Variants in ZBTB41 observed in about 807,000 individuals in gnomAD.
ZBTB41 encodes zinc finger and BTB domain-containing protein 41.
Under a neutral mutation model 87.6 loss-of-function variants are expected in ZBTB41, and 42 were observed. The ratio of observed to expected loss-of-function variants is 0.48; its 90% CI spans 0.37 to 0.62. ZBTB41 has a LOEUF of 0.62. ZBTB41 is among the 20% of genes least tolerant of loss of function. ZBTB41 has a pLI of 0.00. For missense variants in ZBTB41, 799 were observed against 1,078.9 expected, an observed-to-expected ratio of 0.74 and a Z score of 3.63; for synonymous variants, 364 against 364.0, an observed-to-expected ratio of 1.00 and a Z score of 0.00.
At chr1:197,189,339 A>T (rs751352714) in intron 4 of ZBTB41, among the ~76,000 whole-genome samples, 1 of 152,086 alleles carries the variant, frequency 6.6e-6, no homozygotes, top group Non-Finnish European at 1.5e-5. Context: ...CGGCCTGGCC[A>T]ACATAGTGAA....
intron 1 of ZBTB41, among the ~76,000 whole-genome samples, chr1:197,200,917 G>A (rs554030738): frequency 1.2e-4 from 19 of 152,314 alleles, no homozygotes; most frequent in Admixed American, 4.6e-4. Context: ...CGTGGTTTAG[G>A]GGTGCTGGGA....
At chr1:197,177,029 T>TCAGA (rs1659625742) in intron 7 of ZBTB41, among the ~76,000 whole-genome samples, 1 of 152,092 alleles carries the variant, frequency 6.6e-6, no homozygotes, top group Admixed American at 6.6e-5. Flanking sequence ...GTAGGAGTAA[T>TCAGA]CAGAAAGGAA....
chr1:197,179,836 G>C (rs1425267227), intron 6 of ZBTB41, among the ~76,000 whole-genome samples: 1 of 152,058 alleles, frequency 6.6e-6, no homozygotes, highest in Non-Finnish European at 1.5e-5. Flanking sequence ...TGTACAATGT[G>C]TGTTTTAAGC....
rs969033211 is a variant in ZBTB41 at position 197,187,602 on chromosome 1, A to AT, written c.1546+689dup. Among the ~76,000 whole-genome samples the AT allele has an allele frequency of 4.1e-4, 62 of 151,474 alleles. 1 individual carries two copies. The highest frequency in any genetic ancestry group is 1.0e-3 in the African/African-American group (42 of 41,342). ...TATTGTTGTATTGTTATGTTTTGTT[A>AT]TTTTTTTTTAATATCTCCAATCCAC... On this transcript the variant is annotated intron_variant, in intron 5 of 10. Coordinates refer to ENST00000367405, the MANE Select transcript of ZBTB41 (RefSeq NM_194314.3).
At chr1:197,186,885 A>G (rs1354071418) in intron 5 of ZBTB41, among the ~76,000 whole-genome samples, 1 of 152,064 alleles carries the variant, frequency 6.6e-6, no homozygotes, top group Non-Finnish European at 1.5e-5. Flanking sequence ...CAAAAAAACA[A>G]AAAAACCAAA....
intron 10 of ZBTB41, among the ~76,000 whole-genome samples, chr1:197,164,839 TTA>T (rs566221514): frequency 7.6e-3 from 653 of 86,460 alleles, no homozygotes; most frequent in Non-Finnish European, 0.012. Flanking sequence ...ATCTAATATA[TTA>T]TATATATTAT....
chr1:197,159,819 C>G lies in ZBTB41; in HGVS notation c.2270G>C (p.Ser757Thr). Residue 757 changes from serine (S) to threonine (T), a missense_variant, in exon 11 of 11, where the codon AGT becomes ACT. This residue lies in a region of ZBTB41 where 171 missense variants were observed against 191.9 expected (regional missense o/e 0.89). Transcript: ENST00000367405. ...HEIKSPDDPL[S>T]TSEEKLVSLP... is the part of the protein sequence containing the mutation. Reference sequence around the variant, plus strand: ...GGATACAAGTTTTTCCTCAGAAGTACTGAGAGGATCATCAGGAGATTTTAT... The same window carrying G: ...GGATACAAGTTTTTCCTCAGAAGTAGTGAGAGGATCATCAGGAGATTTTAT... The G allele has an allele frequency of 1.2e-6, 2 of 1,613,938 alleles. No individual in the cohort carries two copies. The highest frequency in any genetic ancestry group is 2.7e-5 in the African/African-American group (2 of 75,018).
chr1:197,166,887 T>G (rs1659359042), intron 10 of ZBTB41, among the ~76,000 whole-genome samples: 1 of 151,934 alleles, frequency 6.6e-6, no homozygotes, highest in African/African-American at 2.4e-5. Flanking sequence ...TTAAAACCTT[T>G]CCCTACAGAA....
intron 2 of ZBTB41, among the ~76,000 whole-genome samples, chr1:197,196,316 A>T (rs2125142101): frequency 6.6e-6 from 1 of 152,314 alleles, no homozygotes; most frequent in East Asian, 1.9e-4. Context: ...AAGAGAGGAC[A>T]CTTAAGACAC....
At chr1:197,167,156 C>T (rs970038310) in intron 10 of ZBTB41, among the ~76,000 whole-genome samples, 2 of 151,910 alleles carry the variant, frequency 1.3e-5, no homozygotes, top group Non-Finnish European at 2.9e-5. Context: ...ATATCATGAA[C>T]AGGATATATG....
chr1:197,196,907 C>A (rs977257642), intron 2 of ZBTB41, among the ~76,000 whole-genome samples: 4 of 151,668 alleles, frequency 2.6e-5, no homozygotes, highest in Non-Finnish European at 5.9e-5. Context: ...TGAGACACTT[C>A]TCCTGATTTC....
At position 197,158,111 on chromosome 1, in the gene ZBTB41, T is replaced by C. The variant is rs1659114929; in HGVS notation, c.*1248A>G. 1 of 152,432 alleles carries C rather than the reference T, an allele frequency of 6.6e-6. No individual in the cohort carries two copies. The highest frequency in any genetic ancestry group is 1.9e-4 in the East Asian group (1 of 5,200). The allele number at this position is 152,432 out of a possible 1,614,324, so 9.4% of individuals were successfully genotyped here. The stretch of plus-strand genomic sequence containing the variant: ...TTGACTTGAAAATATGGAAAGTGCA[T>C]GTCTTTAAAGGTATTTTATAATTTT... On this transcript the variant is annotated 3_prime_UTR_variant, in exon 11 of 11. Transcript: ENST00000367405.
chr1:197,195,432 T>C (rs1312257501), intron 2 of ZBTB41, among the ~76,000 whole-genome samples: 1 of 152,230 alleles, frequency 6.6e-6, no homozygotes, highest in Middle Eastern at 3.2e-3. Context: ...GATGAGTTCA[T>C]TATATATCTG....
chr1:197,165,588 T>C (rs981981547), intron 10 of ZBTB41, among the ~76,000 whole-genome samples: 19 of 150,126 alleles, frequency 1.3e-4, no homozygotes, highest in Middle Eastern at 6.9e-3. Flanking sequence ...CCAGCCTGGG[T>C]GACAGAGCGA....
Position 197,181,398 on chromosome 1 carries a change from T to C in ZBTB41, c.1547-281A>G, listed in dbSNP as rs563031677. 2.4e-4 allele frequency among the ~76,000 whole-genome samples: 36 copies of C among 152,232 alleles called. 1 individual carries two copies. The highest frequency in any genetic ancestry group is 8.7e-4 in the African/African-American group (36 of 41,566). ...GGTTTGAAATCAGACTGGAACAAAG[T>C]AGAAATGGCTGCATACTAAAGTTTT... On this transcript the variant is annotated intron_variant, in intron 5 of 10. Coordinates refer to ENST00000367405, the MANE Select transcript of ZBTB41 (RefSeq NM_194314.3).
intron 10 of ZBTB41, among the ~76,000 whole-genome samples, chr1:197,164,410 A>C (rs1156829785): frequency 6.6e-6 from 1 of 151,842 alleles, no homozygotes; most frequent in East Asian, 1.9e-4. Context: ...TCAAGCCCAA[A>C]TAAGTGAGAA....
At chr1:197,178,181 T>C (rs1453399608) in intron 7 of ZBTB41, among the ~76,000 whole-genome samples, 1 of 151,938 alleles carries the variant, frequency 6.6e-6, no homozygotes, top group African/African-American at 2.4e-5. Flanking sequence ...AATAATGCCT[T>C]AGTAAAGCCT....
At chr1:197,188,537 G>C (rs1659939675) in intron 4 of ZBTB41, 98 bp from the exon 5 acceptor site, 1 of 1,156,966 alleles carries the variant, frequency 8.6e-7, no homozygotes, top group Non-Finnish European at 1.2e-6. Context: ...TCAATAAAGA[G>C]ACTTTTCTCC....
Position 197,159,662 on chromosome 1 carries a change from T to C in ZBTB41, c.2427A>G (p.Pro809=). The C allele has an allele frequency of 1.2e-6, 2 of 1,614,000 alleles. No individual in the cohort carries two copies. The highest frequency in any genetic ancestry group is 2.2e-5 in the South Asian group (2 of 91,084). ...GCATCTGAACTGGAACCAGAGTTAC[T>C]GGAACACATACTTCAGCAGATACAT... ...LQNVSAEVCV[P]VTLVPVQMPD... The change falls in exon 11 of 11, where the codon CCA becomes CCG. Residue 809 remains proline, a synonymous_variant. Transcript: ENST00000367405.
Sources: allele counts gnomAD v4.1 joint callset (sites outside exome capture counted in the v4.1 genomes callset), GRCh38; gene constraint gnomAD v4.1.1; regional missense constraint gnomAD v4.1.1; transcripts MANE v1.5; gene names NCBI Gene and HGNC (gene_info 2026-07-23, HGNC 2026-07-21).